Variants in TMEM267 observed in about 807,000 individuals in gnomAD.
TMEM267 encodes the protein transmembrane protein 267, also known as transmembrane protein C5orf28.
Under a neutral mutation model 19.3 loss-of-function variants are expected in TMEM267, and 20 were observed. That is an observed-to-expected ratio of 1.04 (90% CI 0.73 to 1.51). The LOEUF (loss-of-function observed/expected upper bound fraction) is 1.51. Among genes scored for constraint, TMEM267 ranks in the 40% most tolerant of loss-of-function variants. TMEM267 has a pLI of 0.00. For synonymous variants in TMEM267, 88 were observed against 90.3 expected, an observed-to-expected ratio of 0.97 and a Z score of 0.15; for missense variants, 242 against 261.9, an observed-to-expected ratio of 0.92 and a Z score of 0.52.
intron 1 of TMEM267, among the ~76,000 whole-genome samples, chr5:43,483,461 G>T (rs535634168): frequency 6.6e-6 from 1 of 152,334 alleles, no homozygotes; most frequent in South Asian, 2.1e-4. Context: ...ACGGCAATGG[G>T]CTCCTTCGGC....
intron 1 of TMEM267, chr5:43,479,929 G>A: frequency 2.4e-6 from 1 of 422,530 alleles, no homozygotes; most frequent in Admixed American, 2.9e-5. Flanking sequence ...TAAACCTCAG[G>A]ATTTACAGTG....
chr5:43,453,336 C>T (rs948383141), intron 2 of TMEM267, among the ~76,000 whole-genome samples: 3 of 152,288 alleles, frequency 2.0e-5, no homozygotes, highest in Admixed American at 6.5e-5. Context: ...TGAGAATCAC[C>T]CCTGTTAATT....
At chr5:43,462,000 G>A (rs187734233) in intron 1 of TMEM267, among the ~76,000 whole-genome samples, 3 of 152,332 alleles carry the variant, frequency 2.0e-5, no homozygotes, top group Middle Eastern at 6.8e-3. Flanking sequence ...GTGCCATGCT[G>A]GGTTCAGGTC....
chr5:43,483,443 G>A (rs908257373), intron 1 of TMEM267, among the ~76,000 whole-genome samples: 1 of 152,192 alleles, frequency 6.6e-6, no homozygotes, highest in Admixed American at 6.5e-5. Context: ...TCTTACAACC[G>A]GTTAAGGACG....
At position 43,453,846 on chromosome 5, in the gene TMEM267, T is replaced by C. The variant is rs763291898; in HGVS notation, c.124A>G (p.Ile42Val). 5.0e-6 allele frequency: 8 copies of C among 1,613,944 alleles called. No homozygotes were observed. In the East Asian group the frequency reaches 6.7e-5, roughly 13 times the overall value. ...VADRLLQFST[I>V]QQNDWLRALS... ...GCACGAAGCCAGTCATTTTGCTGAA[T>C]TGTGGAAAACTGAAGAAGTCTGTCA... is the stretch of plus-strand genomic sequence containing the variant. The change falls in exon 2 of 3, where the codon ATT becomes GTT. Residue 42 changes from isoleucine to valine, a missense_variant. Transcript: ENST00000397080.
chr5:43,453,895 A>G lies in TMEM267; in HGVS notation c.75T>C (p.Gly25=), dbSNP rs958230088. 1.2e-6 allele frequency: 2 copies of G among 1,613,962 alleles called. No homozygotes were observed. The highest frequency in any genetic ancestry group is 1.7e-5 in the Admixed American group (1 of 59,950). The change falls in exon 2 of 3, where the codon GGT becomes GGC. Residue 25 remains glycine, a synonymous_variant. Coordinates refer to ENST00000397080, the MANE Select transcript of TMEM267 (RefSeq NM_022483.5). ...CSTESLISSL[G]LGAFCLVADR... ...CAGCTACGAGGCAAAATGCCCCCAG[A>G]CCAAGGCTGGAAATAAGAGATTCAG...
chr5:43,473,360 T>C (rs1744204761), intron 1 of TMEM267, among the ~76,000 whole-genome samples: 1 of 152,092 alleles, frequency 6.6e-6, no homozygotes, highest in African/African-American at 2.4e-5. Context: ...GAAAACCCCA[T>C]CGTCTCAGCC....
rs1431943233 is a variant in TMEM267 at position 43,445,260 on chromosome 5, C to G, written c.*962G>C. ...AACTTTATTTTGAAAAAAATATATG[C>G]TGTCTTTCAGTATCAGGCAGAGTAA... On this transcript the variant is annotated 3_prime_UTR_variant, in exon 3 of 3. Coordinates refer to ENST00000397080, the MANE Select transcript of TMEM267 (RefSeq NM_022483.5). 1 of 151,922 alleles carries G rather than the reference C, an allele frequency of 6.6e-6. No homozygotes were observed. Among genetic ancestry groups the G allele is most frequent in the East Asian group, 1.9e-4 (1 of 5,198 alleles). 9.4% of individuals were successfully genotyped at this position (151,922 alleles called of 1,614,324 possible). A position where few individuals can be genotyped will look rare whatever the true frequency, so the allele number is the denominator to read the frequency against.
intron 1 of TMEM267, among the ~76,000 whole-genome samples, chr5:43,466,319 C>A (rs1331482669): frequency 1.3e-5 from 2 of 152,124 alleles, no homozygotes; most frequent in African/African-American, 4.8e-5. Flanking sequence ...CAGTGGAAAC[C>A]TTTTCAGGCT....
Position 43,446,267 on chromosome 5 carries a change from G to T in TMEM267, c.603C>A (p.Thr201=). The T allele has an allele frequency of 6.2e-7, 1 of 1,613,656 alleles. No homozygotes were observed. Among genetic ancestry groups the T allele is most frequent in the Non-Finnish European group, 8.5e-7 (1 of 1,179,676 alleles). Residue 201 remains threonine (T), a synonymous_variant, in exon 3 of 3, where the codon ACC becomes ACA. Transcript: ENST00000397080. ...ICSFVMYLTG[T]RQMMSSKHGV... ...CATGTTTTGAAGACATCATTTGTCT[G>T]GTTCCTGTTAAATACATAACGAATG...
intron 1 of TMEM267, among the ~76,000 whole-genome samples, chr5:43,474,715 C>A (rs112245101): frequency 7.9e-4 from 118 of 149,026 alleles, no homozygotes; most frequent in African/African-American, 2.7e-3. Flanking sequence ...GCCAAGATCA[C>A]GCCATTGCAC....
At chr5:43,458,921 G>C (rs79026085) in intron 1 of TMEM267, among the ~76,000 whole-genome samples, 9,546 of 151,582 alleles carry the variant, frequency 0.063, 398 homozygotes, top group Non-Finnish European at 0.09. Context: ...CAAAGCTTAA[G>C]GGGAAAATAT....
chr5:43,462,952 A>G (rs907680316), intron 1 of TMEM267, among the ~76,000 whole-genome samples: 1 of 152,216 alleles, frequency 6.6e-6, no homozygotes, highest in African/African-American at 2.4e-5. Flanking sequence ...GCAGAACTGA[A>G]GGAAATAGAG....
At chr5:43,456,345 CAT>C (rs1385027276) in intron 1 of TMEM267, among the ~76,000 whole-genome samples, 2 of 151,922 alleles carry the variant, frequency 1.3e-5, no homozygotes, top group South Asian at 2.1e-4. Flanking sequence ...TGGAAAAAAA[CAT>C]AAAGTATTTT....
chr5:43,477,910 G>A (rs771714624), intron 1 of TMEM267, among the ~76,000 whole-genome samples: 37 of 152,190 alleles, frequency 2.4e-4, no homozygotes, highest in Non-Finnish European at 5.1e-4. Context: ...TTCAACCTAC[G>A]ATGGTTCAAT....
chr5:43,456,045 G>A (rs896281210), intron 1 of TMEM267, among the ~76,000 whole-genome samples: 4 of 150,214 alleles, frequency 2.7e-5, no homozygotes, highest in African/African-American at 4.9e-5. Context: ...GAGAGGCCTC[G>A]AACTCCTAGC....
At position 43,446,537 on chromosome 5, in the gene TMEM267, T is replaced by G; in HGVS notation, c.333A>C (p.Arg111=). ...CAGTAGAACAGTGAAGGAAAGGTCTTCGCGGGAGAGTCAAAGCAGCCTGAG... is the reference window on the plus strand; with the variant it reads ...CAGTAGAACAGTGAAGGAAAGGTCTGCGCGGGAGAGTCAAAGCAGCCTGAG... ...MSLKAALTLP[R]RPFLHCSTVI... Residue 111 remains arginine, a synonymous_variant, in exon 3 of 3, where the codon CGA becomes CGC. Coordinates refer to ENST00000397080, the MANE Select transcript of TMEM267 (RefSeq NM_022483.5). 1 of 1,610,034 alleles carries G rather than the reference T, an allele frequency of 6.2e-7. No individual in the cohort carries two copies. Among genetic ancestry groups the G allele is most frequent in the Non-Finnish European group, 8.5e-7 (1 of 1,177,236 alleles).
At chr5:43,459,285 T>TA (rs1250255870) in intron 1 of TMEM267, among the ~76,000 whole-genome samples, 1 of 151,916 alleles carries the variant, frequency 6.6e-6, no homozygotes, top group Admixed American at 6.6e-5. Context: ...ATTTGATCAA[T>TA]ACAGCAAGAC....
chr5:43,472,989 T>A (rs904121422), intron 1 of TMEM267, among the ~76,000 whole-genome samples: 5 of 151,678 alleles, frequency 3.3e-5, no homozygotes, highest in African/African-American at 1.2e-4. Flanking sequence ...AATACAAAAA[T>A]TAGCCGGGTG....
Sources: allele counts gnomAD v4.1 joint callset (sites outside exome capture counted in the v4.1 genomes callset), GRCh38; gene constraint gnomAD v4.1.1; transcripts MANE v1.5; gene names NCBI Gene and HGNC (gene_info 2026-07-23, HGNC 2026-07-21).